Variants in USP30 observed in about 807,000 individuals in gnomAD.
USP30 encodes ubiquitin carboxyl-terminal hydrolase 30.
A neutral mutation model predicts 68.2 loss-of-function variants in USP30; 41 were observed. The observed-to-expected ratio is 0.60, with a 90% confidence interval of 0.47 to 0.78. The LOEUF is 0.78. Ranked by LOEUF, USP30 falls within the 30% of genes least tolerant of loss-of-function variation. USP30 has a pLI of 0.00. For synonymous variants in USP30, 229 were observed against 253.7 expected (o/e 0.90, Z 0.93); for missense variants, 522 against 649.4 (o/e 0.80, Z 2.13).
intron 7 of USP30, among the ~76,000 whole-genome samples, chr12:109,076,375 G>A (rs1048997768): frequency 4.7e-5 from 7 of 148,508 alleles, no homozygotes; most frequent in African/African-American, 1.7e-4. Flanking sequence ...AATAGAAATA[G>A]TTTTAGTTCT....
At chr12:109,027,209 C>G (rs2135650026) in intron 2 of USP30, among the ~76,000 whole-genome samples, 1 of 152,322 alleles carries the variant, frequency 6.6e-6, no homozygotes, top group East Asian at 1.9e-4. Context: ...AAGAGAAACT[C>G]TACCCATTGA....
chr12:109,081,717 C>T (rs1490366045), intron 8 of USP30: 21 of 611,132 alleles, frequency 3.4e-5, no homozygotes, highest in East Asian at 8.3e-5. Context: ...TCCACAAGTT[C>T]GTGCAGTTAC....
At chr12:109,079,351 CTTTTTTTTTTTT>C (rs71079521) in intron 7 of USP30, among the ~76,000 whole-genome samples, 14 of 48,792 alleles carry the variant, frequency 2.9e-4, no homozygotes, top group South Asian at 2.0e-3. Context: ...TTTTTTTTTT[CTTTTTTTTTTTT>C]TTTTTTTTTT....
chr12:109,081,621 GCGCACACACACACACACACA>G (rs1161076038), intron 8 of USP30: 3 of 545,298 alleles, frequency 5.5e-6, no homozygotes. Flanking sequence ...GCACGCATGC[GCGCACACACACACACACACA>G]CACACACACA....
At chr12:109,025,412 G>C (rs1175513398) in intron 2 of USP30, among the ~76,000 whole-genome samples, 1 of 151,920 alleles carries the variant, frequency 6.6e-6, no homozygotes. Flanking sequence ...CTAATACAGT[G>C]CTTATCATTA....
At chr12:109,062,373 C>T (rs768319786) in intron 3 of USP30, among the ~76,000 whole-genome samples, 15 of 128,848 alleles carry the variant, frequency 1.2e-4, no homozygotes, top group Non-Finnish European at 1.9e-4. Flanking sequence ...CTCGCTCTGT[C>T]GCCCAGGCTG....
intron 7 of USP30, among the ~76,000 whole-genome samples, chr12:109,076,801 G>A (rs1409785436): frequency 7.0e-5 from 10 of 143,178 alleles, no homozygotes; most frequent in Admixed American, 3.8e-4. Context: ...GCGTGATCTC[G>A]GCTCACTGCA....
chr12:109,082,986 T>C lies in USP30; in HGVS notation c.1092T>C (p.Ser364=). ...ACCACCTCCTTGGACATAAACCTAG[T>C]CAACACAACCCTAAACTGAACAAGA... ...YKYHLLGHKP[S]QHNPKLNKNP... Residue 364 remains serine, a synonymous_variant, in exon 11 of 13, where the codon AGT becomes AGC. Transcript: ENST00000257548. The C allele has an allele frequency of 3.1e-6, 5 of 1,614,164 alleles. No homozygotes were observed. Among genetic ancestry groups the C allele is most frequent in the Non-Finnish European group, 4.2e-6 (5 of 1,180,002 alleles).
At chr12:109,061,050 G>A (rs1003933435) in intron 3 of USP30, among the ~76,000 whole-genome samples, 2 of 152,094 alleles carry the variant, frequency 1.3e-5, no homozygotes, top group African/African-American at 4.8e-5. Context: ...CTCCCAAAGT[G>A]CTGGGATTAC....
chr12:109,049,456 A>G (rs1237990844), upstream of USP30, among the ~76,000 whole-genome samples: 3 of 152,194 alleles, frequency 2.0e-5, no homozygotes, highest in African/African-American at 7.2e-5. Flanking sequence ...GGCACCCCAA[A>G]ACAATTACAA....
upstream of USP30, among the ~76,000 whole-genome samples, chr12:109,052,002 A>G (rs2040682716): frequency 6.6e-6 from 1 of 152,224 alleles, no homozygotes; most frequent in Non-Finnish European, 1.5e-5. Flanking sequence ...TTCACCACTT[A>G]CAAGCTGCGT....
intron 1 of USP30, among the ~76,000 whole-genome samples, chr12:109,055,379 C>CATATATATATATATATATATACATAT (rs2040816736): frequency 5.1e-5 from 3 of 58,932 alleles, no homozygotes; most frequent in Non-Finnish European, 8.9e-5. Flanking sequence ...CATATATATA[C>CATATATATATATATATATATACATAT]ATATATATAT....
chr12:109,072,023 G>A (rs1410756458), intron 5 of USP30, among the ~76,000 whole-genome samples: 1 of 152,170 alleles, frequency 6.6e-6, no homozygotes, highest in African/African-American at 2.4e-5. Context: ...TCATTTCCCT[G>A]TAACAGTATA....
intron 8 of USP30, 139 bp from the exon 9 acceptor site, chr12:109,081,794 G>A (rs960883341): frequency 2.4e-6 from 2 of 843,920 alleles, no homozygotes; most frequent in Non-Finnish European, 3.8e-6. Context: ...GTTTGTCCAG[G>A]AAACATCCAG....
chr12:109,071,082 T>A (rs1359996490), intron 4 of USP30, among the ~76,000 whole-genome samples: 1 of 152,092 alleles, frequency 6.6e-6, no homozygotes, highest in Non-Finnish European at 1.5e-5. Context: ...GTAATCAGAT[T>A]CCTAGAGAGA....
upstream of USP30, among the ~76,000 whole-genome samples, chr12:109,050,989 C>CA (rs528107876): frequency 0.014 from 2,036 of 147,188 alleles, 16 homozygotes; most frequent in African/African-American, 0.016. Flanking sequence ...GACTCCATCT[C>CA]AAAAAAAAAA....
At chr12:109,048,733 CTG>C (rs149822716), upstream of USP30, among the ~76,000 whole-genome samples, 19,428 of 138,048 alleles carry the variant, frequency 0.14, 1,545 homozygotes, top group Middle Eastern at 0.24. Context: ...GAGTGAGACT[CTG>C]TCTCAAAAAA....
chr12:109,029,388 T>C (rs1315364216), intron 3 of USP30, among the ~76,000 whole-genome samples: 2 of 152,170 alleles, frequency 1.3e-5, no homozygotes, highest in Non-Finnish European at 2.9e-5. Flanking sequence ...ATCACAGGCT[T>C]GGAATGTTTC....
At chr12:109,075,750 CT>C (rs1212300026) in intron 7 of USP30, among the ~76,000 whole-genome samples, 1 of 151,736 alleles carries the variant, frequency 6.6e-6, no homozygotes, top group African/African-American at 2.4e-5. Context: ...TATTGAGTGC[CT>C]TTTCATATAC....
Sources: gnomAD v4.1 joint callset for allele counts (sites outside exome capture counted in the v4.1 genomes callset) on GRCh38, gnomAD v4.1.1 for gene constraint, MANE v1.5 for transcripts, NCBI Gene and HGNC (gene_info 2026-07-23, HGNC 2026-07-21) for gene names.